The following RNF168 variants were observed in gnomAD, a reference collection of about 807,000 sequenced individuals.
The protein encoded by RNF168 is E3 ubiquitin-protein ligase RNF168.
In RNF168, 34 loss-of-function variants were observed where a neutral mutation model predicts 34.9. The ratio of observed to expected loss-of-function variants is 0.97; its 90% confidence interval spans 0.74 to 1.30. RNF168 has a LOEUF of 1.30. Ranked by LOEUF, RNF168 falls within the 50% of genes most tolerant of loss-of-function variation. The probability of loss-of-function intolerance (pLI) is 0.00; values close to 1 mark genes in which losing one functional copy is unlikely to be tolerated. For synonymous variants in RNF168, 264 were observed against 254.7 expected (o/e 1.04, Z -0.35); for missense variants, 725 against 682.5 (o/e 1.06, Z -0.69).
intron 4 of RNF168, among the ~76,000 whole-genome samples, chr3:196,476,923 T>C (rs150001805): frequency 2.4e-3 from 367 of 151,594 alleles, no homozygotes; most frequent in African/African-American, 8.2e-3. Context: ...AATTTTTGTA[T>C]TTTTAATAGA....
intron 1 of RNF168, among the ~76,000 whole-genome samples, chr3:196,489,579 A>C (rs879407923): frequency 6.6e-6 from 1 of 151,466 alleles, no homozygotes; most frequent in Admixed American, 6.6e-5. Context: ...TGCTCACCTC[A>C]GCCTCCCAAA....
Position 196,487,410 on chromosome 3 carries a change from T to C in RNF168, c.547A>G (p.Ser183Gly), listed in dbSNP as rs755368335. 1.4e-5 allele frequency: 22 copies of C among 1,613,824 alleles called. No individual in the cohort carries two copies. The highest frequency in any genetic ancestry group is 1.8e-5 in the Non-Finnish European group (21 of 1,179,776). The change falls in exon 3 of 6, where the codon AGC (serine) becomes GGC (glycine). Residue 183 changes from serine to glycine, a missense_variant. Coordinates refer to ENST00000318037, the MANE Select transcript of RNF168 (RefSeq NM_152617.4). ...KSDEELARKL[S>G]IDINNFCEGS... Reference sequence around the variant, plus strand: ...CTCCTAAAACTTACAATATCAATGCTTAGCTTTCTTGCCAGTTCCTCATCA... The same window carrying C: ...CTCCTAAAACTTACAATATCAATGCCTAGCTTTCTTGCCAGTTCCTCATCA...
intron 5 of RNF168, among the ~76,000 whole-genome samples, chr3:196,474,156 C>T (rs191572019): frequency 2.5e-3 from 341 of 134,590 alleles, no homozygotes; most frequent in African/African-American, 9.0e-3. Flanking sequence ...GAGGTGGAGT[C>T]TCACTCTGTC....
chr3:196,484,963 T>A lies in RNF168; in HGVS notation c.559-1072A>T, dbSNP rs117068749. Among the ~76,000 whole-genome samples, 422 of 152,286 alleles carry A rather than the reference T, an allele frequency of 2.8e-3. 23 individuals carry two copies. In the South Asian group the frequency reaches 0.071, roughly 26 times the overall value. On this transcript the variant is annotated intron_variant, in intron 3 of 5. Transcript: ENST00000318037. ...GTGCCACTGTGCCCAGCCTGTTGAT[T>A]TTTCTAATAAATACTTTTATATAAT...
chr3:196,490,004 G>A (rs1732555695), intron 1 of RNF168, among the ~76,000 whole-genome samples: 1 of 152,168 alleles, frequency 6.6e-6, no homozygotes, highest in Admixed American at 6.5e-5. Context: ...GGGCAGTTAG[G>A]GATGGCAAAG....
rs1292264326 is a variant in RNF168 at position 196,503,685 on chromosome 3, G to A, written c.-512C>T. 1 of 194,604 alleles carries A rather than the reference G, an allele frequency of 5.1e-6. No individual in the cohort carries two copies. Among genetic ancestry groups the A allele is most frequent in the Non-Finnish European group, 1.1e-5 (1 of 92,338 alleles). 12.1% of individuals were successfully genotyped at this position (194,604 alleles called of 1,614,324 possible). On this transcript the variant is annotated 5_prime_UTR_variant, in exon 1 of 6. Transcript: ENST00000318037. ...GTTCACCTTTCGGGCGCCTGGCGCA[G>A]TTTCCCAGAGCTCCGCGCCCCCGTC... is the stretch of plus-strand genomic sequence containing the variant.
At chr3:196,473,973 A>C (rs1034431992) in intron 5 of RNF168, among the ~76,000 whole-genome samples, 1 of 151,848 alleles carries the variant, frequency 6.6e-6, no homozygotes, top group Admixed American at 6.6e-5. Flanking sequence ...GAAATAATTG[A>C]CCCTTACAGG....
chr3:196,472,647 G>A lies in RNF168; in HGVS notation c.888C>T (p.Ser296=). Residue 296 remains serine (S), a synonymous_variant, in exon 6 of 6, where the codon TCC becomes TCT. Coordinates refer to ENST00000318037, the MANE Select transcript of RNF168 (RefSeq NM_152617.4). Reference sequence around the variant, plus strand: ...CACAGGCACATAACCATGGCATAGGGGACTCTATTGAAGAATCTGCACCTT... The same window carrying A: ...CACAGGCACATAACCATGGCATAGGAGACTCTATTGAAGAATCTGCACCTT... ...GEQGADSSIE[S]PMPWLCACGA... The A allele has an allele frequency of 1.2e-5, 20 of 1,611,612 alleles. No homozygotes were observed. Among genetic ancestry groups the A allele is most frequent in the Non-Finnish European group, 1.7e-5 (20 of 1,177,990 alleles).
At chr3:196,501,047 T>G (rs1176721725) in intron 1 of RNF168, among the ~76,000 whole-genome samples, 1 of 152,190 alleles carries the variant, frequency 6.6e-6, no homozygotes, top group Non-Finnish European at 1.5e-5. Flanking sequence ...AGATACCAGT[T>G]CACATGTACT....
intron 1 of RNF168, among the ~76,000 whole-genome samples, chr3:196,491,594 C>T (rs559012114): frequency 6.6e-6 from 1 of 152,120 alleles, no homozygotes; most frequent in East Asian, 1.9e-4. Context: ...TGCAGTGAGC[C>T]GAGATCACGC....
intron 1 of RNF168, 46 bp downstream of exon 1, chr3:196,502,827 A>G (rs147017814): frequency 1.9e-6 from 3 of 1,541,294 alleles, no homozygotes; most frequent in Non-Finnish European, 2.7e-6. Context: ...TCACCTTTTC[A>G]AAGACTTGCG....
chr3:196,473,319 G>A (rs73213996), intron 5 of RNF168, among the ~76,000 whole-genome samples: 9,952 of 152,192 alleles, frequency 0.065, 402 homozygotes, highest in Middle Eastern at 0.2. Flanking sequence ...AAGATATACA[G>A]TAGCTTTACA....
At chr3:196,502,128 G>A (rs370733183) in intron 1 of RNF168, among the ~76,000 whole-genome samples, 2 of 146,524 alleles carry the variant, frequency 1.4e-5, no homozygotes, top group South Asian at 2.2e-4. Flanking sequence ...AGCCCAGACA[G>A]GAACCACCGC....
intron 1 of RNF168, among the ~76,000 whole-genome samples, chr3:196,502,628 AT>A (rs1732928567): frequency 6.6e-6 from 1 of 151,810 alleles, no homozygotes; most frequent in Non-Finnish European, 1.5e-5. Context: ...CAATTCTTTA[AT>A]TTTTAACACA....
At chr3:196,476,139 C>A (rs939506296) in intron 4 of RNF168, among the ~76,000 whole-genome samples, 1 of 151,996 alleles carries the variant, frequency 6.6e-6, no homozygotes, top group Non-Finnish European at 1.5e-5. Context: ...GGATTACAGC[C>A]GTGAGCCACT....
intron 4 of RNF168, among the ~76,000 whole-genome samples, chr3:196,477,106 A>G (rs1170322520): frequency 6.6e-6 from 1 of 152,230 alleles, no homozygotes; most frequent in Non-Finnish European, 1.5e-5. Flanking sequence ...TGAAAACACT[A>G]CGGTTTTAAT....
At chr3:196,474,124 ATTT>A (rs758504791) in intron 5 of RNF168, among the ~76,000 whole-genome samples, 5 of 124,296 alleles carry the variant, frequency 4.0e-5, no homozygotes, top group Non-Finnish European at 1.7e-5. Flanking sequence ...TCATCTTGCA[ATTT>A]TTTTTTTTTT....
At chr3:196,487,676 G>C in intron 2 of RNF168, 98 bp from the exon 3 acceptor site, 2 of 1,166,356 alleles carry the variant, frequency 1.7e-6, no homozygotes, top group East Asian at 4.9e-5. Context: ...AGAACAAATT[G>C]GCAGAAATTT....
At chr3:196,502,051 T>TA (rs1732903310) in intron 1 of RNF168, among the ~76,000 whole-genome samples, 1 of 23,558 alleles carries the variant, frequency 4.2e-5, no homozygotes, top group African/African-American at 2.1e-4. Flanking sequence ...CCAAAAAAAA[T>TA]TAGAAAAAAA....
Sources: gnomAD v4.1 joint callset for allele counts (sites outside exome capture counted in the v4.1 genomes callset) on GRCh38, gnomAD v4.1.1 for gene constraint, MANE v1.5 for transcripts, NCBI Gene and HGNC (gene_info 2026-07-23, HGNC 2026-07-21) for gene names.